The following GALNT18 variants were observed in gnomAD, a reference collection of about 807,000 sequenced individuals.
GALNT18 encodes the protein GalNAc-transferase 18.
A neutral mutation model predicts 69.5 loss-of-function variants in GALNT18; 44 were observed. That is an observed-to-expected ratio of 0.63 (90% confidence interval 0.50 to 0.81). The LOEUF is 0.81. Ranked by LOEUF, GALNT18 falls within the 40% of genes least tolerant of loss-of-function variation. The pLI, the probability that GALNT18 is intolerant of heterozygous loss-of-function variation, is 0.00. For synonymous variants in GALNT18, 364 were observed against 318.2 expected, an observed-to-expected ratio of 1.14 and a Z score of -1.53; for missense variants, 715 against 810.0, an observed-to-expected ratio of 0.88 and a Z score of 1.42.
chr11:11,464,042 G>A (rs747520297), intron 1 of GALNT18, among the ~76,000 whole-genome samples: 5 of 152,154 alleles, frequency 3.3e-5, no homozygotes, highest in Non-Finnish European at 7.3e-5. Flanking sequence ...ATAAGCAAAG[G>A]TTTTGGACAA....
At chr11:11,354,979 T>G (rs1033226241) in intron 6 of GALNT18, among the ~76,000 whole-genome samples, 15 of 152,122 alleles carry the variant, frequency 9.9e-5, no homozygotes, top group Non-Finnish European at 1.9e-4. Flanking sequence ...CTCCTAAATA[T>G]AGCTTGAATT....
rs1232811971 is a variant in GALNT18, at chr11:11,603,092, A to G, written c.235+18267T>C. On this transcript the variant is annotated intron_variant, in intron 1 of 10. Coordinates refer to ENST00000227756, the MANE Select transcript of GALNT18 (RefSeq NM_198516.3). The surrounding 1 kb of genome is among the most constrained non-coding windows in gnomAD (Gnocchi z 4.5). Reference sequence around the variant, plus strand: ...CTGGTACAAAGTCTTCTTTGAAAGGAGGCAATTCTAAGTTATGTCTTCCCA... The same window carrying G: ...CTGGTACAAAGTCTTCTTTGAAAGGGGGCAATTCTAAGTTATGTCTTCCCA... 2.6e-5 allele frequency among the ~76,000 whole-genome samples: 4 copies of G among 152,224 alleles called. No homozygotes were observed. Among genetic ancestry groups the G allele is most frequent in the African/African-American group, 9.6e-5 (4 of 41,462 alleles).
intron 9 of GALNT18, among the ~76,000 whole-genome samples, chr11:11,312,124 T>TG (rs1849682994): frequency 7.9e-6 from 1 of 126,706 alleles, no homozygotes. Flanking sequence ...GCCTGGCTAA[T>TG]TTTTTGTATT....
At chr11:11,272,832 A>G (rs1380057124) in intron 10 of GALNT18, among the ~76,000 whole-genome samples, 1 of 152,208 alleles carries the variant, frequency 6.6e-6, no homozygotes, top group Non-Finnish European at 1.5e-5. Flanking sequence ...GTGCACTGAG[A>G]GAGGGAGAGG....
chr11:11,569,737 G>A (rs928265636), intron 1 of GALNT18, among the ~76,000 whole-genome samples: 1 of 152,140 alleles, frequency 6.6e-6, no homozygotes, highest in Non-Finnish European at 1.5e-5. Flanking sequence ...GGACCCCAGA[G>A]CAGGACTAGG....
At position 11,586,610 on chromosome 11, in the gene GALNT18, T is replaced by A. The variant is rs758265626; in HGVS notation, c.235+34749A>T. 3.2e-4 allele frequency among the ~76,000 whole-genome samples: 48 copies of A among 151,942 alleles called. No homozygotes were observed. The highest frequency in any genetic ancestry group is 6.8e-4 in the Non-Finnish European group (46 of 67,992). On this transcript the variant is annotated intron_variant, in intron 1 of 10. Transcript: ENST00000227756. This position sits in a 1 kb window ranked among gnomAD's most constrained non-coding sequence, Gnocchi z 4.1. ...TGTAGTCAGGACATAGTTGATCTTT[T>A]AAAAAAAATAAAACGTTTCAGCATT...
intron 3 of GALNT18, among the ~76,000 whole-genome samples, chr11:11,395,691 C>T (rs1854309832): frequency 6.6e-6 from 1 of 151,988 alleles, no homozygotes; most frequent in Admixed American, 6.6e-5. Context: ...GGTAATGATG[C>T]AAAGAAAAGA....
chr11:11,482,383 C>T (rs989396180), intron 1 of GALNT18, among the ~76,000 whole-genome samples: 1 of 152,248 alleles, frequency 6.6e-6, no homozygotes, highest in Non-Finnish European at 1.5e-5. Flanking sequence ...GGCCCACAGA[C>T]CCCTGGAGCC....
chr11:11,409,856 T>C (rs1854687527), intron 3 of GALNT18, among the ~76,000 whole-genome samples: 1 of 152,228 alleles, frequency 6.6e-6, no homozygotes, highest in Admixed American at 6.5e-5. Flanking sequence ...CTGTCTTGTC[T>C]GAGGTCACCT....
intron 1 of GALNT18, among the ~76,000 whole-genome samples, chr11:11,468,957 A>G (rs542108049): frequency 1.3e-4 from 20 of 151,990 alleles, no homozygotes; most frequent in South Asian, 4.2e-4. Flanking sequence ...ATCATTGCAC[A>G]TGGGGCTGGC....
At chr11:11,353,133 G>T (rs1473507881) in intron 6 of GALNT18, 1 of 1,613,418 alleles carries the variant, frequency 6.2e-7, no homozygotes, top group African/African-American at 1.3e-5. Context: ...AGACAGGTTG[G>T]CGGACAAAGC....
Position 11,619,606 on chromosome 11 carries a change from C to T in GALNT18, c.235+1753G>A, listed in dbSNP as rs1189356259. Among the ~76,000 whole-genome samples, 2 of 152,164 alleles carry T rather than the reference C, an allele frequency of 1.3e-5. No individual in the cohort carries two copies. Among genetic ancestry groups the T allele is most frequent in the Non-Finnish European group, 2.9e-5 (2 of 68,026 alleles). On this transcript the variant is annotated intron_variant, in intron 1 of 10. Transcript: ENST00000227756. The surrounding 1 kb of genome is among the most constrained non-coding windows in gnomAD (Gnocchi z 4.9). ...GAGAATCATTTTCCAGGAACACACA[C>T]ACACACAGAATCTGTGAATGAAAAT...
intron 10 of GALNT18, among the ~76,000 whole-genome samples, 192 bp downstream of exon 10, chr11:11,292,835 CAT>C (rs1849326888): frequency 6.6e-6 from 1 of 152,302 alleles, no homozygotes; most frequent in Non-Finnish European, 1.5e-5. Flanking sequence ...ATAGTCAACA[CAT>C]GAGACCCACA....
intron 1 of GALNT18, among the ~76,000 whole-genome samples, chr11:11,567,871 T>C (rs1376265781): frequency 6.6e-6 from 1 of 152,222 alleles, no homozygotes; most frequent in Non-Finnish European, 1.5e-5. Flanking sequence ...CCTATATATC[T>C]TCCACCAATC....
At chr11:11,479,840 T>C (rs1287460593) in intron 1 of GALNT18, among the ~76,000 whole-genome samples, 1 of 152,148 alleles carries the variant, frequency 6.6e-6, no homozygotes, top group Non-Finnish European at 1.5e-5. Context: ...GGAAGCCTCA[T>C]CTAGTAAAAT....
chr11:11,298,230 ACT>A (rs1303870088), intron 9 of GALNT18, among the ~76,000 whole-genome samples: 1 of 152,158 alleles, frequency 6.6e-6, no homozygotes, highest in Admixed American at 6.5e-5. Flanking sequence ...GCTGATGGAA[ACT>A]CTGCCACAGC....
intron 3 of GALNT18, among the ~76,000 whole-genome samples, chr11:11,393,381 G>C (rs1854240600): frequency 6.6e-6 from 1 of 152,222 alleles, no homozygotes; most frequent in Admixed American, 6.5e-5. Flanking sequence ...CCCAAATGTA[G>C]AAAAACAAAT....
rs564443563 is a variant in GALNT18 at position 11,439,440 on chromosome 11, T to G, written c.429-6653A>C. Among the ~76,000 whole-genome samples, 2 of 152,332 alleles carry G rather than the reference T, an allele frequency of 1.3e-5. No individual in the cohort carries two copies. The highest frequency in any genetic ancestry group is 4.1e-4 in the South Asian group (2 of 4,822). On this transcript the variant is annotated intron_variant, in intron 2 of 10. Transcript: ENST00000227756. This position sits in a 1 kb window ranked among gnomAD's most constrained non-coding sequence, Gnocchi z 4.4. Reference sequence around the variant, plus strand: ...TGGTTCCTTGCTCCCTGAGAACACGTACATAACCCAGTAGAGAAAGACCAA... The same window carrying G: ...TGGTTCCTTGCTCCCTGAGAACACGGACATAACCCAGTAGAGAAAGACCAA...
chr11:11,565,643 A>T lies in GALNT18; in HGVS notation c.235+55716T>A, dbSNP rs141176809. On this transcript the variant is annotated intron_variant, in intron 1 of 10. Coordinates refer to ENST00000227756, the MANE Select transcript of GALNT18 (RefSeq NM_198516.3). ...GTAAACAATGGCTGAGCATTTTAGG[A>T]CCTTATATTAGGCACCAAGGAGACA... 6.4e-4 allele frequency among the ~76,000 whole-genome samples: 97 copies of T among 152,284 alleles called. 1 individual carries two copies. In the East Asian group the frequency reaches 0.018, roughly 29 times the overall value.
Sources: gnomAD v4.1 joint callset for allele counts (sites outside exome capture counted in the v4.1 genomes callset) on GRCh38, gnomAD v4.1.1 for gene constraint, Gnocchi (gnomAD v3.1) non-coding constraint, MANE v1.5 for transcripts, NCBI Gene and HGNC (gene_info 2026-07-23, HGNC 2026-07-21) for gene names.